Variants in TET2 observed in about 807,000 individuals in gnomAD.
TET2 encodes the protein methylcytosine dioxygenase TET2.
In TET2, 299 loss-of-function variants were observed where a neutral mutation model predicts 142.9. The ratio of observed to expected loss-of-function variants is 2.09; its 90% CI spans 1.90 to 2.30. The LOEUF (loss-of-function observed/expected upper bound fraction) is 2.30, where lower values mean the gene tolerates loss of function less well. Among genes scored for constraint, TET2 ranks in the 30% most tolerant of loss-of-function variants. The probability of loss-of-function intolerance (pLI) is 0.00; values close to 1 mark genes in which losing one functional copy is unlikely to be tolerated. For synonymous variants in TET2, 819 were observed against 849.0 expected (o/e 0.96, Z 0.61); for missense variants, 2,418 against 2,378.0 (o/e 1.02, Z -0.35).
At position 105,236,746 on chromosome 4, in the gene TET2, G is replaced by A. The variant is rs775589418; in HGVS notation, c.2804G>A (p.Gly935Glu). 1.9e-6 allele frequency: 3 copies of A among 1,614,074 alleles called. No individual in the cohort carries two copies. The South Asian group carries it at 3.3e-5, about 18-fold the overall frequency. Residue 935 changes from glycine to glutamate, a missense_variant, in exon 3 of 11, where the codon GGA (glycine) becomes GAA (glutamate). Physicochemically the swap from Gly to Glu is moderately conservative, Grantham distance 98 (BLOSUM62 -2). Transcript: ENST00000380013. ...GTTTTTCCTGTGCCTGACCAGGGAG[G>A]AAGTCACACTCAGACCCCTCCCCAG... ...ANVFPVPDQG[G>E]SHTQTPPQKD...
At position 105,235,076 on chromosome 4, in the gene TET2, T is replaced by G. The variant is rs2110224857; in HGVS notation, c.1134T>G (p.Gly378=). 6.2e-7 allele frequency: 1 copy of G among 1,614,040 alleles called. No individual in the cohort carries two copies. The highest frequency in any genetic ancestry group is 8.5e-7 in the Non-Finnish European group (1 of 1,180,002). Residue 378 remains glycine, a synonymous_variant, in exon 3 of 11, where the codon GGT becomes GGG. Coordinates refer to ENST00000380013, the MANE Select transcript of TET2 (RefSeq NM_001127208.3). Reference sequence around the variant, plus strand: ...ATTTAAAACAAAATGAAATGAATGGTGCTTACTTCAAGCAAAGCTCAGTGT... The same window carrying G: ...ATTTAAAACAAAATGAAATGAATGGGGCTTACTTCAAGCAAAGCTCAGTGT... The part of the protein sequence containing the change: ...ERYLKQNEMN[G]AYFKQSSVFT...
At chr4:105,262,027 A>T (rs1730460286) in intron 8 of TET2, among the ~76,000 whole-genome samples, 179 bp downstream of exon 8, 2 of 151,886 alleles carry the variant, frequency 1.3e-5, no homozygotes, top group African/African-American at 4.8e-5. Context: ...ACAAAAGTAC[A>T]TTTTTTTTGT....
intron 1 of TET2, among the ~76,000 whole-genome samples, chr4:105,173,698 T>A (rs552480474): frequency 6.6e-6 from 1 of 152,194 alleles, no homozygotes; most frequent in Admixed American, 6.5e-5. Context: ...ATTTGTTTTC[T>A]CTACTACTCA....
In TET2 at chr4:105,190,605, C is replaced by T. The variant is rs1195472406; in HGVS notation, c.-47+100C>T. The T allele has an allele frequency of 1.7e-5, 11 of 641,028 alleles. No homozygotes were observed. In the East Asian group the frequency reaches 2.2e-4, roughly 13 times the overall value. The allele number at this position is 641,028 out of a possible 1,614,324, so 39.7% of individuals were successfully genotyped here. ...CAAACTTCAACTTCAAGTTACCCTG[C>T]ACCCTCTCAAATACTTTTCTTTATT... On this transcript the variant is annotated intron_variant, in intron 2 of 10. Transcript: ENST00000380013.
At chr4:105,173,635 A>G (rs1724609394) in intron 1 of TET2, among the ~76,000 whole-genome samples, 1 of 152,170 alleles carries the variant, frequency 6.6e-6, no homozygotes, top group African/African-American at 2.4e-5. Flanking sequence ...AAAATGACAT[A>G]ATTTGCTACA....
intron 9 of TET2, among the ~76,000 whole-genome samples, chr4:105,270,628 T>C (rs1730905461): frequency 1.3e-5 from 2 of 151,780 alleles, no homozygotes. Context: ...GTAAAATGGA[T>C]CGGTCTTGTA....
In TET2 at chr4:105,240,309, C is replaced by T. The variant is rs552501316; in HGVS notation, c.3410-1030C>T. 16 of 1,047,460 alleles carry T rather than the reference C, an allele frequency of 1.5e-5. No individual in the cohort carries two copies. In the Admixed American group the frequency reaches 2.2e-4, roughly 14 times the overall value. The allele number at this position is 1,047,460 out of a possible 1,614,324, so 64.9% of individuals were successfully genotyped here. ...CACAAAAGAACAAAGCACAATAAAA[C>T]GAGGTATGCCTGTATTTTTAAAAAA... On this transcript the variant is annotated intron_variant, in intron 3 of 10. Coordinates refer to ENST00000380013, the MANE Select transcript of TET2 (RefSeq NM_001127208.3).
At chr4:105,161,908 A>C (rs1204078484) in intron 1 of TET2, among the ~76,000 whole-genome samples, 2 of 152,178 alleles carry the variant, frequency 1.3e-5, no homozygotes, top group African/African-American at 4.8e-5. Flanking sequence ...GTCTTTTTTC[A>C]GTTACTACTA....
At chr4:105,240,114 C>T (rs142656667) in intron 3 of TET2, 3,316 of 232,116 alleles carry the variant, frequency 0.014, 50 homozygotes, top group Non-Finnish European at 0.017. Context: ...GATCACAGAT[C>T]GCCATAACAT....
intron 1 of TET2, among the ~76,000 whole-genome samples, chr4:105,182,504 A>G (rs1189178306): frequency 6.6e-6 from 1 of 152,248 alleles, no homozygotes; most frequent in Non-Finnish European, 1.5e-5. Flanking sequence ...AACTACTTTT[A>G]AGATTACCTT....
At chr4:105,207,928 TA>T (rs1353736914) in intron 2 of TET2, among the ~76,000 whole-genome samples, 15 of 152,134 alleles carry the variant, frequency 9.9e-5, no homozygotes, top group African/African-American at 4.8e-5. Flanking sequence ...ATGGGGAGTA[TA>T]GATGACAGGT....
chr4:105,222,409 A>C (rs1017653540), intron 2 of TET2, among the ~76,000 whole-genome samples: 1 of 152,202 alleles, frequency 6.6e-6, no homozygotes, highest in African/African-American at 2.4e-5. Context: ...TCGCCATTCT[A>C]ACTGGTGTGA....
chr4:105,269,168 A>G (rs901562417), intron 8 of TET2, among the ~76,000 whole-genome samples: 2 of 152,214 alleles, frequency 1.3e-5, no homozygotes, highest in South Asian at 2.1e-4. Flanking sequence ...TTGGAAAGCC[A>G]TAAGGGAAAA....
chr4:105,207,207 A>G lies in TET2; in HGVS notation c.-47+16702A>G, dbSNP rs143897021. ...AATCTTAGGGACTAATATTGTAAGT[A>G]TACGGGGAAATTAAGACAAAGATTT... On this transcript the variant is annotated intron_variant, in intron 2 of 10. Transcript: ENST00000380013. Among the ~76,000 whole-genome samples, 219 of 152,334 alleles carry G rather than the reference A, an allele frequency of 1.4e-3. 1 individual carries two copies. Among genetic ancestry groups the G allele is most frequent in the South Asian group, 9.9e-3 (48 of 4,832 alleles).
At chr4:105,244,471 A>C (rs1031606815) in intron 6 of TET2, among the ~76,000 whole-genome samples, 2 of 152,046 alleles carry the variant, frequency 1.3e-5, no homozygotes, top group Non-Finnish European at 2.9e-5. Context: ...TCCACTTTGC[A>C]TGAAGTCTAA....
intron 4 of TET2, chr4:105,241,698 C>G: frequency 7.8e-7 from 1 of 1,274,236 alleles, no homozygotes; most frequent in Non-Finnish European, 1.0e-6. Flanking sequence ...ATCGGCCAGC[C>G]AGGCTGCCAG....
At chr4:105,159,436 G>A (rs1723733470) in intron 1 of TET2, among the ~76,000 whole-genome samples, 2 of 151,774 alleles carry the variant, frequency 1.3e-5, no homozygotes, top group African/African-American at 4.8e-5. Flanking sequence ...TGTATTTTTA[G>A]TACAGACGGG....
intron 1 of TET2, among the ~76,000 whole-genome samples, chr4:105,172,214 A>G (rs1724511732): frequency 1.3e-5 from 2 of 152,144 alleles, no homozygotes; most frequent in South Asian, 2.1e-4. Flanking sequence ...TGCACTGTCA[A>G]AAATCCACAT....
At position 105,235,401 on chromosome 4, in the gene TET2, A is replaced by T. The variant is rs76603951; in HGVS notation, c.1459A>T (p.Arg487Trp). 6.2e-7 allele frequency: 1 copy of T among 1,614,236 alleles called. No individual in the cohort carries two copies. The highest frequency in any genetic ancestry group is 1.1e-5 in the South Asian group (1 of 91,086). ...AAGGCCTCAGAATAATTGTGTGAAC[A>T]GGAATGACATACAGACTGCAGGGAC... ...SERPQNNCVN[R>W]NDIQTAGTMT... The change falls in exon 3 of 11, where the codon AGG becomes TGG. Residue 487 changes from arginine (R) to tryptophan (W), a missense_variant. Arg to Trp is a moderately radical substitution (Grantham distance 101, BLOSUM62 -3). Coordinates refer to ENST00000380013, the MANE Select transcript of TET2 (RefSeq NM_001127208.3).
Sources: gnomAD v4.1 joint callset for allele counts (sites outside exome capture counted in the v4.1 genomes callset) on GRCh38, gnomAD v4.1.1 for gene constraint, MANE v1.5 for transcripts, NCBI Gene and HGNC (gene_info 2026-07-23, HGNC 2026-07-21) for gene names.